The following XRCC5 variants were observed in gnomAD, a reference collection of about 807,000 sequenced individuals.
XRCC5 encodes X-ray repair cross complementing 5.
XRCC5 carries 12 observed loss-of-function variants against 95.7 expected under a neutral mutation model. That is an observed-to-expected ratio of 0.13 (90% CI 0.08 to 0.20). The LOEUF is 0.20. Ranked by LOEUF, XRCC5 falls within the 10% of genes least tolerant of loss-of-function variation. XRCC5 has a pLI of 1.00. For missense variants in XRCC5, 595 were observed against 873.9 expected (o/e 0.68, Z 4.02); for synonymous variants, 281 against 290.3 (o/e 0.97, Z 0.33).
intron 16 of XRCC5, among the ~76,000 whole-genome samples, chr2:216,172,920 C>T (rs1689196857): frequency 6.6e-6 from 1 of 152,058 alleles, no homozygotes; most frequent in Non-Finnish European, 1.5e-5. Context: ...ATTTTTTCTC[C>T]ATAATGTTTT....
chr2:216,154,866 G>C (rs940591869), intron 14 of XRCC5, among the ~76,000 whole-genome samples: 2 of 151,978 alleles, frequency 1.3e-5, no homozygotes, highest in African/African-American at 4.8e-5. Flanking sequence ...ACAGATAAGA[G>C]AATCCAGATA....
chr2:216,122,791 CTACT>C (rs1162365170), intron 6 of XRCC5, among the ~76,000 whole-genome samples: 3 of 150,940 alleles, frequency 2.0e-5, no homozygotes, highest in South Asian at 2.1e-4. Context: ...AGTTCATAGC[CTACT>C]TACTTTACGT....
At chr2:216,149,224 T>A (rs1214645404) in intron 14 of XRCC5, among the ~76,000 whole-genome samples, 1 of 152,174 alleles carries the variant, frequency 6.6e-6, no homozygotes, top group Non-Finnish European at 1.5e-5. Context: ...AGAGAATTAC[T>A]GTCTAAATTG....
chr2:216,176,925 A>G (rs955450309), intron 16 of XRCC5, among the ~76,000 whole-genome samples: 1 of 152,186 alleles, frequency 6.6e-6, no homozygotes, highest in Non-Finnish European at 1.5e-5. Context: ...GTTTAAATAT[A>G]TTCTAATGTC....
At chr2:216,198,048 T>C (rs1449661428) in intron 19 of XRCC5, among the ~76,000 whole-genome samples, 1 of 152,226 alleles carries the variant, frequency 6.6e-6, no homozygotes, top group Non-Finnish European at 1.5e-5. Context: ...AATGATCTGC[T>C]AAGAATTGGC....
intron 14 of XRCC5, among the ~76,000 whole-genome samples, chr2:216,154,741 G>A (rs916834131): frequency 2.0e-5 from 3 of 152,134 alleles, no homozygotes; most frequent in African/African-American, 4.8e-5. Context: ...TTTGAAGTTT[G>A]GATATAATTT....
intron 9 of XRCC5, 110 bp downstream of exon 9, chr2:216,131,097 T>C: frequency 7.0e-7 from 1 of 1,423,230 alleles, no homozygotes; most frequent in Non-Finnish European, 9.3e-7. Context: ...TTTTAATTTT[T>C]CTAAAATGTA....
chr2:216,113,748 T>C (rs1004657600), intron 2 of XRCC5, among the ~76,000 whole-genome samples: 14 of 152,202 alleles, frequency 9.2e-5, no homozygotes, highest in African/African-American at 3.1e-4. Flanking sequence ...GTGAGCTCAG[T>C]TGGGGCTGTC....
intron 16 of XRCC5, among the ~76,000 whole-genome samples, chr2:216,173,110 T>C (rs1689201721): frequency 6.6e-6 from 1 of 152,144 alleles, no homozygotes; most frequent in African/African-American, 2.4e-5. Context: ...TTATTAGTTC[T>C]TGTGGTTTTT....
chr2:216,157,299 T>C (rs768417750), intron 14 of XRCC5, among the ~76,000 whole-genome samples: 8 of 151,978 alleles, frequency 5.3e-5, no homozygotes, highest in Non-Finnish European at 1.0e-4. Flanking sequence ...AGTGGCGCCA[T>C]TGTGGCTCAC....
intron 5 of XRCC5, 44 bp downstream of exon 5, chr2:216,119,209 C>T (rs745455552): frequency 5.0e-6 from 8 of 1,608,522 alleles, no homozygotes; most frequent in Non-Finnish European, 6.8e-6. Context: ...CCTATGATTT[C>T]CTAATATAGT....
chr2:216,109,487 AC>A, intron 1 of XRCC5, 30 bp downstream of exon 1: 1 of 1,613,348 alleles, frequency 6.2e-7, no homozygotes, highest in East Asian at 2.2e-5. Flanking sequence ...CTTGGGCTTT[AC>A]CCGGACTGGG....
At chr2:216,118,051 A>T (rs1696734017) in intron 4 of XRCC5, among the ~76,000 whole-genome samples, 2 of 152,154 alleles carry the variant, frequency 1.3e-5, no homozygotes, top group African/African-American at 4.8e-5. Context: ...TTCCTATTAG[A>T]CTTAAGCTGA....
chr2:216,121,046 T>C lies in XRCC5; in HGVS notation c.492-1016T>C, dbSNP rs139585188. On this transcript the variant is annotated intron_variant, in intron 5 of 20. Transcript: ENST00000392132. ...CCACTGTGCCTGGCACAGTTTTTAG[T>C]TTCTTCTACTGACTACTGAGGAAGC... is the stretch of plus-strand genomic sequence containing the variant. Among the ~76,000 whole-genome samples the C allele has an allele frequency of 5.4e-3, 818 of 152,332 alleles. 9 individuals are homozygous for C. Among genetic ancestry groups the C allele is most frequent in the African/African-American group, 0.018 (768 of 41,572 alleles).
chr2:216,136,367 A>AAAAAAAAAG (rs61067470), intron 10 of XRCC5, among the ~76,000 whole-genome samples: 1 of 143,226 alleles, frequency 7.0e-6, no homozygotes, highest in Non-Finnish European at 1.5e-5. Context: ...AAAAAAAAAA[A>AAAAAAAAAG]AAAAGAAATA....
chr2:216,199,858 A>G (rs1228235519), intron 19 of XRCC5, among the ~76,000 whole-genome samples: 1 of 126,994 alleles, frequency 7.9e-6, no homozygotes, highest in Non-Finnish European at 1.6e-5. Context: ...AGGCTGAGCT[A>G]TATCTAAATA....
Position 216,130,893 on chromosome 2 carries a change from A to G in XRCC5, c.956A>G (p.Asp319Gly). 1 of 1,612,144 alleles carries G rather than the reference A, an allele frequency of 6.2e-7. No homozygotes were observed. The highest frequency in any genetic ancestry group is 8.5e-7 in the Non-Finnish European group (1 of 1,179,302). ...TCTCCAGGGTTCCGCTATGGAAGTG[A>G]TATAGTTCCTTTCTCTAAAGTGGAT... ...DIIQGFRYGS[D>G]IVPFSKVDEE... is the part of the protein sequence containing the mutation. The change falls in exon 9 of 21, where the codon GAT becomes GGT. Residue 319 changes from aspartate to glycine, a missense_variant. Coordinates refer to ENST00000392132, the MANE Select transcript of XRCC5 (RefSeq NM_021141.4).
chr2:216,160,290 T>C (rs868151466), intron 15 of XRCC5, 129 bp downstream of exon 15: 38 of 563,882 alleles, frequency 6.7e-5, no homozygotes, highest in Admixed American at 3.8e-4. Flanking sequence ...TCTCTGGTCC[T>C]TGCTCTATAG....
At chr2:216,150,361 A>G (rs1688719219) in intron 14 of XRCC5, among the ~76,000 whole-genome samples, 1 of 152,234 alleles carries the variant, frequency 6.6e-6, no homozygotes, top group Non-Finnish European at 1.5e-5. Context: ...TACTATAACA[A>G]TGAACAAAGA....
Sources: gnomAD v4.1 joint callset for allele counts (sites outside exome capture counted in the v4.1 genomes callset) on GRCh38, gnomAD v4.1.1 for gene constraint, MANE v1.5 for transcripts, NCBI Gene and HGNC (gene_info 2026-07-23, HGNC 2026-07-21) for gene names.